The following KCNH2 variants were observed in gnomAD, a reference collection of about 807,000 sequenced individuals.
The protein encoded by KCNH2 is potassium voltage-gated channel subfamily H member 2, also known as voltage-gated inwardly rectifying potassium channel KCNH2.
A neutral mutation model predicts 95.9 loss-of-function variants in KCNH2; 35 were observed. That is an observed-to-expected ratio of 0.37 (90% CI 0.28 to 0.48). KCNH2 has a LOEUF of 0.48. Ranked by LOEUF, KCNH2 falls within the 20% of genes least tolerant of loss-of-function variation. KCNH2 has a pLI of 0.99. For synonymous variants in KCNH2, 786 were observed against 754.7 expected (o/e 1.04, Z -0.68); for missense variants, 1,274 against 1,702.9 (o/e 0.75, Z 4.43).
intron 2 of KCNH2, among the ~76,000 whole-genome samples, chr7:150,971,126 A>G (rs1424891467): frequency 6.6e-6 from 1 of 152,206 alleles, no homozygotes; most frequent in East Asian, 1.9e-4. Context: ...GGCAAGGAAG[A>G]AGACAGGACA....
Position 150,961,777 on chromosome 7 carries a change from G to A in KCNH2, c.308-2041C>T, listed in dbSNP as rs1390442826. Among the ~76,000 whole-genome samples, 1 of 152,198 alleles carries A rather than the reference G, an allele frequency of 6.6e-6. No individual in the cohort carries two copies. The highest frequency in any genetic ancestry group is 1.9e-4 in the East Asian group (1 of 5,184). ...TGGAGCTGGTGCTTGAAGCCTGACAGTGAGGTCAAGGGGCTGCGTGCTGGG... is the reference window on the plus strand; with the variant it reads ...TGGAGCTGGTGCTTGAAGCCTGACAATGAGGTCAAGGGGCTGCGTGCTGGG... On this transcript the variant is annotated intron_variant, in intron 2 of 14. Transcript: ENST00000262186. The surrounding 1 kb of genome is among the most constrained non-coding windows in gnomAD (Gnocchi z 6.2).
chr7:150,949,843 C>T (rs1801065137), intron 9 of KCNH2: 1 of 1,280,076 alleles, frequency 7.8e-7, no homozygotes, highest in South Asian at 1.5e-5. Context: ...AAATGCCGAG[C>T]TTCCAGGCTA....
At chr7:150,973,387 T>A (rs1200571156) in intron 2 of KCNH2, among the ~76,000 whole-genome samples, 2 of 152,146 alleles carry the variant, frequency 1.3e-5, no homozygotes, top group Non-Finnish European at 2.9e-5. Flanking sequence ...AGTTTCTTCA[T>A]CCCCCAAAAT....
At chr7:150,967,788 T>A (rs1326710882) in intron 2 of KCNH2, among the ~76,000 whole-genome samples, 1 of 152,220 alleles carries the variant, frequency 6.6e-6, no homozygotes, top group Non-Finnish European at 1.5e-5. Context: ...GTATCTTTGT[T>A]GGATAAATTG....
chr7:150,964,153 G>A (rs1801641844), intron 2 of KCNH2, among the ~76,000 whole-genome samples: 1 of 152,232 alleles, frequency 6.6e-6, no homozygotes, highest in African/African-American at 2.4e-5. Context: ...ACCAGGTGGG[G>A]AGGAAGAGGC....
intron 2 of KCNH2, among the ~76,000 whole-genome samples, chr7:150,972,225 C>T (rs371764424): frequency 2.0e-5 from 3 of 152,258 alleles, no homozygotes; most frequent in African/African-American, 4.8e-5. Context: ...CAGCTGTCCA[C>T]GGCGGCGCCT....
chr7:150,970,841 C>T (rs946364563), intron 2 of KCNH2, among the ~76,000 whole-genome samples: 1 of 152,216 alleles, frequency 6.6e-6, no homozygotes, highest in African/African-American at 2.4e-5. Flanking sequence ...TGTGTCTAAG[C>T]CCCATCCTCT....
At chr7:150,951,890 G>A in intron 6 of KCNH2, 55 bp from the exon 7 acceptor site, 1 of 1,492,410 alleles carries the variant, frequency 6.7e-7, no homozygotes, top group Non-Finnish European at 9.0e-7. Flanking sequence ...GGCAAGGGAG[G>A]AGGGGAGGTG....
At chr7:150,960,367 T>C (rs1801523550) in intron 2 of KCNH2, among the ~76,000 whole-genome samples, 1 of 152,400 alleles carries the variant, frequency 6.6e-6, no homozygotes, top group East Asian at 1.9e-4. Context: ...ACATAATGTA[T>C]ATAATTCTTT....
rs925207241 is a variant in KCNH2 at position 150,977,940 on chromosome 7, G to A, written c.-27C>T. 2.6e-6 allele frequency: 4 copies of A among 1,546,772 alleles called. No homozygotes were observed. In the African/African-American group the frequency reaches 5.6e-5, roughly 22 times the overall value. Reference sequence around the variant, plus strand: ...CTGAGCCCATGGGCGGGCCGGGCGGGCCCCCACCCACCCCGGCCCGGCCCG... The same window carrying A: ...CTGAGCCCATGGGCGGGCCGGGCGGACCCCCACCCACCCCGGCCCGGCCCG... On this transcript the variant is annotated 5_prime_UTR_variant, in exon 1 of 15. Transcript: ENST00000262186.
intron 1 of KCNH2, among the ~76,000 whole-genome samples, chr7:150,975,400 G>C (rs1200539017): frequency 6.6e-6 from 1 of 152,152 alleles, no homozygotes; most frequent in Non-Finnish European, 1.5e-5. Flanking sequence ...TCCAGACTGG[G>C]GGGCGCTCCC....
rs794728477 is a variant in KCNH2 at position 150,959,571 on chromosome 7, C to T, written c.472+1G>A. ...GCCTGCCCTAAAGCAAGTACACTTA[C>T]CTGGGGCCAGCCAGCTGGTGGGGGG... On this transcript the variant is annotated splice_donor_variant, in intron 3 of 14. Transcript: ENST00000262186. LOFTEE classifies it high-confidence loss of function. 1.9e-6 allele frequency: 3 copies of T among 1,614,078 alleles called. No individual in the cohort carries two copies. Among genetic ancestry groups the T allele is most frequent in the Non-Finnish European group, 2.5e-6 (3 of 1,179,958 alleles).
chr7:150,955,766 G>T, intron 5 of KCNH2: 1 of 1,232,540 alleles, frequency 8.1e-7, no homozygotes, highest in Non-Finnish European at 1.0e-6. Context: ...CCAGGGTGCC[G>T]TGCTCTGCCC....
intron 1 of KCNH2, 29 bp downstream of exon 1, chr7:150,977,809 C>CAA: frequency 8.0e-7 from 1 of 1,248,424 alleles, no homozygotes. Flanking sequence ...CCAGAGCCCC[C>CAA]TCCCCGCTCA....
Position 150,945,627 on chromosome 7 carries a change from A to G in KCNH2, c.3331-113T>C, listed in dbSNP as rs1271798345. 1.8e-6 allele frequency: 2 copies of G among 1,134,972 alleles called. No individual in the cohort carries two copies. The highest frequency in any genetic ancestry group is 2.6e-6 in the Non-Finnish European group (2 of 772,050). The allele number at this position is 1,134,972 out of a possible 1,614,324, so 70.3% of individuals were successfully genotyped here. A position where few individuals can be genotyped will look rare whatever the true frequency, so the allele number is the denominator to read the frequency against. On this transcript the variant is annotated intron_variant, in intron 14 of 14. Transcript: ENST00000262186. This position sits in a 1 kb window ranked among gnomAD's most constrained non-coding sequence, Gnocchi z 5.6. ...GGATGGACGGGAGGACAGGAGGGCCAAGAGGAGAGTCAGGTGGGCAGAGAA... is the reference window on the plus strand; with the variant it reads ...GGATGGACGGGAGGACAGGAGGGCCGAGAGGAGAGTCAGGTGGGCAGAGAA...
chr7:150,975,565 G>A (rs1281758026), intron 1 of KCNH2, among the ~76,000 whole-genome samples: 2 of 152,178 alleles, frequency 1.3e-5, no homozygotes, highest in Admixed American at 1.3e-4. Context: ...GATGAGGGAA[G>A]TTACACGTTG....
chr7:150,970,820 A>G (rs1270300886), intron 2 of KCNH2, among the ~76,000 whole-genome samples: 2 of 152,168 alleles, frequency 1.3e-5, no homozygotes, highest in Non-Finnish European at 2.9e-5. Flanking sequence ...GTGCCACAGG[A>G]AAAGTTCTCC....
chr7:150,957,967 GA>G, intron 4 of KCNH2, 91 bp downstream of exon 4: 1 of 1,059,746 alleles, frequency 9.4e-7, no homozygotes, highest in Non-Finnish European at 1.2e-6. Flanking sequence ...AGGACGTAGT[GA>G]AAAGGTCAGA....
chr7:150,952,300 CTT>C lies in KCNH2; in HGVS notation c.1557+123_1557+124del. 9.2e-7 allele frequency: 1 copy of C among 1,090,924 alleles called. No individual in the cohort carries two copies. The highest frequency in any genetic ancestry group is 1.3e-6 in the Non-Finnish European group (1 of 741,512). The allele number at this position is 1,090,924 out of a possible 1,614,324, so 67.6% of individuals were successfully genotyped here. A position where few individuals can be genotyped will look rare whatever the true frequency, so the allele number is the denominator to read the frequency against. On this transcript the variant is annotated intron_variant, in intron 6 of 14. Transcript: ENST00000262186. This position sits in a 1 kb window ranked among gnomAD's most constrained non-coding sequence, Gnocchi z 7.3. ...TGCCACCATGTCTCTCTCCCACTGT[CTT>C]TCTCTCTTTCTCTCTCTCTCTCTTT...
Sources: allele counts gnomAD v4.1 joint callset (sites outside exome capture counted in the v4.1 genomes callset), GRCh38; gene constraint gnomAD v4.1.1; non-coding constraint Gnocchi (gnomAD v3.1); transcripts MANE v1.5; gene names NCBI Gene and HGNC (gene_info 2026-07-23, HGNC 2026-07-21).